The following SIM2 variants were observed in gnomAD, a reference collection of about 807,000 sequenced individuals.
SIM2 encodes the protein single-minded homolog 2.
Under a neutral mutation model 64.8 loss-of-function variants are expected in SIM2, and 28 were observed. The ratio of observed to expected loss-of-function variants is 0.43; its 90% confidence interval spans 0.32 to 0.59. SIM2 has a LOEUF of 0.59. SIM2 is among the 20% of genes least tolerant of loss of function. SIM2 has a pLI of 0.07. For synonymous variants in SIM2, 408 were observed against 391.1 expected, an observed-to-expected ratio of 1.04 and a Z score of -0.51; for missense variants, 847 against 871.4, an observed-to-expected ratio of 0.97 and a Z score of 0.35.
At position 36,748,239 on chromosome 21, in the gene SIM2, G is replaced by A; in HGVS notation, c.*147G>A. 1 of 408,724 alleles carries A rather than the reference G, an allele frequency of 2.4e-6. No homozygotes were observed. The highest frequency in any genetic ancestry group is 3.5e-6 in the Non-Finnish European group (1 of 283,494). The allele number at this position is 408,724 out of a possible 1,614,324, so 25.3% of individuals were successfully genotyped here. ...CGCCGCCGACTTGCGGATTTCCACC[G>A]CGGAGGCCCCGCGCGCCGGTGCCGA... is the stretch of plus-strand genomic sequence containing the variant. On this transcript the variant is annotated 3_prime_UTR_variant, in exon 11 of 11. Coordinates refer to ENST00000290399, the MANE Select transcript of SIM2 (RefSeq NM_005069.6).
Position 36,745,569 on chromosome 21 carries a change from G to C in SIM2, c.1576+433G>C. ...TTGGCTATTTTCCCATGCCAGTTTT[G>C]GAAGTGGGGAAAACTATGGTGGAAA... On this transcript the variant is annotated intron_variant, in intron 10 of 10. Transcript: ENST00000290399. This position sits in a 1 kb window ranked among gnomAD's most constrained non-coding sequence, Gnocchi z 4.8. 1 of 1,111,726 alleles carries C rather than the reference G, an allele frequency of 9.0e-7. No individual in the cohort carries two copies. Among genetic ancestry groups the C allele is most frequent in the South Asian group, 2.3e-5 (1 of 43,026 alleles). 68.9% of individuals were successfully genotyped at this position (1,111,726 alleles called of 1,614,324 possible).
Position 36,738,361 on chromosome 21 carries a change from C to T in SIM2, c.851-3356C>T, listed in dbSNP as rs200736985. Reference sequence around the variant, plus strand: ...CTCTACTAAACTACAAAAAATTAGCCGGGTGTGGTCGTGGGTGCCTGTAAT... The same window carrying T: ...CTCTACTAAACTACAAAAAATTAGCTGGGTGTGGTCGTGGGTGCCTGTAAT... On this transcript the variant is annotated intron_variant, in intron 7 of 10. Transcript: ENST00000290399. 7.9e-5 allele frequency among the ~76,000 whole-genome samples: 12 copies of T among 152,162 alleles called. No individual in the cohort carries two copies. In the East Asian group the frequency reaches 1.2e-3, roughly 15 times the overall value.
In SIM2 at chr21:36,744,738, C is replaced by T. The variant is rs151185181; in HGVS notation, c.1178C>T (p.Ser393Leu). The T allele has an allele frequency of 6.4e-4, 1,023 of 1,602,160 alleles. 1 individual carries two copies. The highest frequency in any genetic ancestry group is 8.4e-4 in the Non-Finnish European group (985 of 1,174,154). ...TTCTTTGCCATGCAGCAATACAGCTCGTTCCAAATGGACAAACTGGAATGC... is the reference window on the plus strand; with the variant it reads ...TTCTTTGCCATGCAGCAATACAGCTTGTTCCAAATGGACAAACTGGAATGC... ...TNPYPPQQYS[S>L]FQMDKLECGQ... Residue 393 changes from serine (S) to leucine (L), a missense_variant, in exon 10 of 11, where the codon TCG (serine) becomes TTG (leucine). This residue lies in a region of SIM2 where 447 missense variants were observed against 414.6 expected (regional missense o/e 1.08). Coordinates refer to ENST00000290399, the MANE Select transcript of SIM2 (RefSeq NM_005069.6).
At chr21:36,708,508 CG>C (rs1412100083) in intron 1 of SIM2, among the ~76,000 whole-genome samples, 2 of 152,220 alleles carry the variant, frequency 1.3e-5, no homozygotes, top group East Asian at 1.9e-4. Flanking sequence ...CTCTCACCGC[CG>C]GCAGATTGGA....
chr21:36,735,675 G>A (rs2089035776), intron 7 of SIM2, among the ~76,000 whole-genome samples: 1 of 152,178 alleles, frequency 6.6e-6, no homozygotes, highest in Non-Finnish European at 1.5e-5. Flanking sequence ...TGGTGTTTGG[G>A]TCCTGATGGG....
At chr21:36,735,809 C>T (rs1029672800) in intron 7 of SIM2, among the ~76,000 whole-genome samples, 10 of 152,136 alleles carry the variant, frequency 6.6e-5, no homozygotes, top group Non-Finnish European at 8.8e-5. Flanking sequence ...CTGCAGAGGC[C>T]GACTTGGGGA....
chr21:36,705,881 G>A (rs1172112044), intron 1 of SIM2, among the ~76,000 whole-genome samples: 1 of 152,188 alleles, frequency 6.6e-6, no homozygotes, highest in Non-Finnish European at 1.5e-5. Flanking sequence ...TGAGAGAATC[G>A]TCTAACCTGG....
chr21:36,704,795 C>T (rs1382991082), intron 1 of SIM2, among the ~76,000 whole-genome samples: 2 of 152,236 alleles, frequency 1.3e-5, no homozygotes, highest in Non-Finnish European at 2.9e-5. Flanking sequence ...TCCTTCCCTG[C>T]CCCTCCCCAT....
chr21:36,742,749 G>T (rs925294657), intron 8 of SIM2, among the ~76,000 whole-genome samples: 1 of 152,190 alleles, frequency 6.6e-6, no homozygotes, highest in Non-Finnish European at 1.5e-5. Flanking sequence ...TTAGGCTCTA[G>T]GTTTGTTCAT....
At chr21:36,715,469 A>G (rs1389503970) in intron 3 of SIM2, among the ~76,000 whole-genome samples, 1 of 152,234 alleles carries the variant, frequency 6.6e-6, no homozygotes, top group African/African-American at 2.4e-5. Flanking sequence ...GAGAGATAAA[A>G]GTGTTAATAA....
At position 36,726,357 on chromosome 21, in the gene SIM2, G is replaced by A; in HGVS notation, c.743+39G>A. On this transcript the variant is annotated intron_variant, in intron 6 of 10. Coordinates refer to ENST00000290399, the MANE Select transcript of SIM2 (RefSeq NM_005069.6). The surrounding 1 kb of genome is among the most constrained non-coding windows in gnomAD (Gnocchi z 4.5). ...CTGCCACAGTGGCTGTGGCCTTCTG[G>A]AAGACACCGGTGGTGGAAATGGGTC... The A allele has an allele frequency of 6.4e-7, 1 of 1,572,424 alleles. No individual in the cohort carries two copies. The highest frequency in any genetic ancestry group is 8.7e-7 in the Non-Finnish European group (1 of 1,151,634).
intron 1 of SIM2, among the ~76,000 whole-genome samples, chr21:36,705,699 G>A (rs895845659): frequency 6.6e-6 from 1 of 152,224 alleles, no homozygotes; most frequent in Non-Finnish European, 1.5e-5. Context: ...CTGCACCCAG[G>A]TGGGGCTCCC....
intron 3 of SIM2, among the ~76,000 whole-genome samples, chr21:36,712,925 G>A (rs2088696948): frequency 6.6e-6 from 1 of 152,186 alleles, no homozygotes; most frequent in African/African-American, 2.4e-5. Context: ...AATGCTAGAT[G>A]CCCTGAAAAG....
At chr21:36,744,094 C>G (rs935958795) in intron 9 of SIM2, among the ~76,000 whole-genome samples, 1 of 152,052 alleles carries the variant, frequency 6.6e-6, no homozygotes, top group Non-Finnish European at 1.5e-5. Context: ...ATTAAAAATA[C>G]AAAACTTCGC....
intron 8 of SIM2, 117 bp downstream of exon 8, chr21:36,741,981 T>C (rs2089167372): frequency 7.0e-6 from 8 of 1,137,344 alleles, no homozygotes; most frequent in Non-Finnish European, 9.5e-6. Context: ...ATTTGTCTTC[T>C]GTTTTTTTTC....
At chr21:36,704,409 C>G (rs1318080319) in intron 1 of SIM2, among the ~76,000 whole-genome samples, 1 of 152,260 alleles carries the variant, frequency 6.6e-6, no homozygotes, top group Non-Finnish European at 1.5e-5. Context: ...ACGCTTTCCC[C>G]GTCTCTGCTT....
In SIM2 at chr21:36,726,113, T is replaced by C; in HGVS notation, c.544-6T>C. ...CAGTGGCTGACCCTGCCCTCTCCAC[T>C]CCCAGGTCATCCACTGCAGTGGCTA... On this transcript the variant is annotated splice_polypyrimidine_tract_variant and splice_region_variant and intron_variant, in intron 5 of 10. Transcript: ENST00000290399. The surrounding 1 kb of genome is among the most constrained non-coding windows in gnomAD (Gnocchi z 4.5). 1 of 1,612,598 alleles carries C rather than the reference T, an allele frequency of 6.2e-7. No homozygotes were observed. Among genetic ancestry groups the C allele is most frequent in the Non-Finnish European group, 8.5e-7 (1 of 1,179,552 alleles).
Position 36,730,118 on chromosome 21 carries a change from G to A in SIM2, c.744-927G>A, listed in dbSNP as rs1394075469. Among the ~76,000 whole-genome samples, 5 of 152,122 alleles carry A rather than the reference G, an allele frequency of 3.3e-5. 1 individual carries two copies. The East Asian group carries it at 5.8e-4, about 18-fold the overall frequency. The stretch of plus-strand genomic sequence containing the variant: ...CAGTTATTCCGTAATTCCCAATAGT[G>A]GGAATCACCCAGCGGCAGCATCCTG... On this transcript the variant is annotated intron_variant, in intron 6 of 10. Transcript: ENST00000290399.
At chr21:36,709,424 G>T (rs1459092644) in intron 2 of SIM2, 174 bp downstream of exon 2, 4 of 709,044 alleles carry the variant, frequency 5.6e-6, no homozygotes, top group Non-Finnish European at 1.0e-5. Flanking sequence ...CATGTCGGAT[G>T]CGGCCTGCGG....
Sources: gnomAD v4.1 joint callset for allele counts (sites outside exome capture counted in the v4.1 genomes callset) on GRCh38, gnomAD v4.1.1 for gene constraint, gnomAD v4.1.1 regional missense constraint, Gnocchi (gnomAD v3.1) non-coding constraint, MANE v1.5 for transcripts, NCBI Gene and HGNC (gene_info 2026-07-23, HGNC 2026-07-21) for gene names.